Variants in AGMO observed in about 807,000 individuals in gnomAD.
AGMO encodes the protein alkylglycerol monooxygenase, also known as glyceryl-ether monooxygenase.
A neutral mutation model predicts 60.2 loss-of-function variants in AGMO; 75 were observed. The ratio of observed to expected loss-of-function variants is 1.25; its 90% CI spans 1.03 to 1.51. The LOEUF is 1.51. Ranked by LOEUF, AGMO falls within the 40% of genes most tolerant of loss-of-function variation. The pLI, the probability that AGMO is intolerant of heterozygous loss-of-function variation, is 0.00. For missense variants in AGMO, 763 were observed against 525.5 expected (o/e 1.45, Z -4.42); for synonymous variants, 261 against 177.1 (o/e 1.47, Z -3.76).
chr7:15,235,292 G>C lies in AGMO; in HGVS notation c.1264-33933C>G, dbSNP rs79726283. ...CCCCATTGGCGCTTTCCTTAATGAA[G>C]ACAAAGACCTTGTTTGTGTTTTTGT... is the stretch of plus-strand genomic sequence containing the variant. On this transcript the variant is annotated intron_variant, in intron 12 of 12. Coordinates refer to ENST00000342526, the MANE Select transcript of AGMO (RefSeq NM_001004320.2). Among the ~76,000 whole-genome samples, 458 of 152,140 alleles carry C rather than the reference G, an allele frequency of 3.0e-3. 3 individuals carry two copies. The highest frequency in any genetic ancestry group is 0.011 in the African/African-American group (437 of 41,544).
chr7:15,170,685 C>T, the AGMO span, among the ~76,000 whole-genome samples: 3 of 151,786 alleles, frequency 2.0e-5, no homozygotes, highest in East Asian at 5.8e-4. Flanking sequence ...ATTAATGAAC[C>T]AATACTGATA....
At chr7:15,451,164 G>A (rs936057925) in intron 3 of AGMO, among the ~76,000 whole-genome samples, 6 of 151,998 alleles carry the variant, frequency 3.9e-5, no homozygotes, top group African/African-American at 1.4e-4. Flanking sequence ...ATTAAGGGAA[G>A]CAAACAATTT....
chr7:15,189,431 T>C, the AGMO span, among the ~76,000 whole-genome samples: 3 of 152,278 alleles, frequency 2.0e-5, no homozygotes, highest in African/African-American at 7.2e-5. Context: ...AACTTTGTGC[T>C]ATCATAGCTG....
intron 12 of AGMO, among the ~76,000 whole-genome samples, chr7:15,202,974 C>T (rs1781342422): frequency 6.6e-6 from 1 of 152,066 alleles, no homozygotes; most frequent in Non-Finnish European, 1.5e-5. Context: ...TCTATAATAT[C>T]AGAGTAAATA....
At chr7:15,232,709 T>C (rs967283626) in intron 12 of AGMO, among the ~76,000 whole-genome samples, 2 of 151,596 alleles carry the variant, frequency 1.3e-5, no homozygotes, top group Non-Finnish European at 2.9e-5. Flanking sequence ...CCCAACAAAA[T>C]TGCCTCAATT....
chr7:15,557,323 G>A (rs1326477783), intron 2 of AGMO, among the ~76,000 whole-genome samples: 1 of 152,024 alleles, frequency 6.6e-6, no homozygotes, highest in African/African-American at 2.4e-5. Flanking sequence ...ACTACCATTT[G>A]TCTTGCAATC....
At chr7:15,256,997 T>C (rs1194799535) in intron 12 of AGMO, among the ~76,000 whole-genome samples, 2 of 152,216 alleles carry the variant, frequency 1.3e-5, no homozygotes, top group Admixed American at 1.3e-4. Context: ...AAGAGGTGCA[T>C]TTCTTTTATA....
intron 12 of AGMO, among the ~76,000 whole-genome samples, chr7:15,224,509 T>C (rs1451042006): frequency 1.3e-5 from 2 of 152,002 alleles, no homozygotes; most frequent in African/African-American, 4.8e-5. Context: ...AGAAACTGGA[T>C]GTGCTGGCAC....
In AGMO at chr7:15,439,360, G is replaced by A. The variant is rs536646515; in HGVS notation, c.410-8252C>T. Among the ~76,000 whole-genome samples, 25 of 152,274 alleles carry A rather than the reference G, an allele frequency of 1.6e-4. No individual in the cohort carries two copies. In the South Asian group the frequency reaches 5.0e-3, roughly 30 times the overall value. On this transcript the variant is annotated intron_variant, in intron 3 of 12. Transcript: ENST00000342526. Reference sequence around the variant, plus strand: ...TGCAGTGAGCTGAGATTACACCACTGCACTCCAGCCTGGTGACAGAGTGAG... The same window carrying A: ...TGCAGTGAGCTGAGATTACACCACTACACTCCAGCCTGGTGACAGAGTGAG...
In AGMO at chr7:15,359,291, C is replaced by CAAAAA. The variant is rs398003765; in HGVS notation, c.1263+6218_1263+6222dup. ...GCAACAGAGCAAGACTCCGTCTCAACAAAAAAAAAAAAAAAAGAAATTAGA... is the reference window on the plus strand; with the variant it reads ...GCAACAGAGCAAGACTCCGTCTCAACAAAAAAAAAAAAAAAAAAAAAGAAATTAGA... On this transcript the variant is annotated intron_variant, in intron 12 of 12. Coordinates refer to ENST00000342526, the MANE Select transcript of AGMO (RefSeq NM_001004320.2). Among the ~76,000 whole-genome samples, 43 of 115,110 alleles carry CAAAAA rather than the reference C, an allele frequency of 3.7e-4. No individual in the cohort carries two copies. The East Asian group carries it at 8.6e-3, about 23-fold the overall frequency. 75.5% of individuals were successfully genotyped at this position (115,110 alleles called of 152,430 possible).
chr7:15,291,335 A>G (rs1382102144), intron 12 of AGMO, among the ~76,000 whole-genome samples: 5 of 152,214 alleles, frequency 3.3e-5, no homozygotes. Context: ...GGGAAACGTT[A>G]CGATTCTATA....
rs527578619 is a variant in AGMO at position 15,219,764 on chromosome 7, G to C, written c.1264-18405C>G. ...AGTGGCCAGAGGGAAAGTAGTATTG[G>C]CTATGGGGATGGAGAGAAGAAGATG... On this transcript the variant is annotated intron_variant, in intron 12 of 12. Transcript: ENST00000342526. Among the ~76,000 whole-genome samples, 4 of 152,256 alleles carry C rather than the reference G, an allele frequency of 2.6e-5. No individual in the cohort carries two copies. The East Asian group carries it at 7.7e-4, about 29-fold the overall frequency.
intron 3 of AGMO, among the ~76,000 whole-genome samples, chr7:15,471,977 G>T (rs1293177438): frequency 6.6e-6 from 1 of 151,812 alleles, no homozygotes; most frequent in Non-Finnish European, 1.5e-5. Flanking sequence ...TGAAAACAAA[G>T]AATATTTTTA....
At chr7:15,515,476 G>A (rs1418889763) in intron 3 of AGMO, among the ~76,000 whole-genome samples, 1 of 152,206 alleles carries the variant, frequency 6.6e-6, no homozygotes, top group Non-Finnish European at 1.5e-5. Flanking sequence ...TAAATCCCTG[G>A]AATTAGAATG....
the AGMO span, among the ~76,000 whole-genome samples, chr7:15,194,191 T>C: frequency 6.6e-6 from 1 of 152,146 alleles, no homozygotes; most frequent in Non-Finnish European, 1.5e-5. Flanking sequence ...CTGTTAAAAA[T>C]TACTTCAGTT....
chr7:15,529,508 C>T (rs1296406567), intron 3 of AGMO, among the ~76,000 whole-genome samples: 3 of 117,558 alleles, frequency 2.6e-5, no homozygotes, highest in African/African-American at 9.7e-5. Flanking sequence ...AGTTCTTAGA[C>T]TAGAATCTGT....
the AGMO span, among the ~76,000 whole-genome samples, chr7:15,170,788 T>A: frequency 1.3e-5 from 2 of 152,190 alleles, no homozygotes; most frequent in Non-Finnish European, 1.5e-5. Flanking sequence ...TTCAGACAGA[T>A]ACATTCTATG....
the AGMO span, among the ~76,000 whole-genome samples, chr7:15,145,505 C>G: frequency 4.6e-5 from 7 of 151,738 alleles, no homozygotes; most frequent in Admixed American, 3.9e-4. Context: ...AAGTAAATAA[C>G]AGAATAGAAA....
rs890574436 is a variant in AGMO, at chr7:15,470,298, C to G, written c.410-39190G>C. ...TGCTGGAAACAAAAACTAGATGGAA[C>G]AGTTTTTAGGAGTAAATAACAAGAA... On this transcript the variant is annotated intron_variant, in intron 3 of 12. Transcript: ENST00000342526. 9.1e-4 allele frequency among the ~76,000 whole-genome samples: 138 copies of G among 152,092 alleles called. 2 individuals carry two copies. The highest frequency in any genetic ancestry group is 3.2e-3 in the African/African-American group (131 of 41,540).
Sources: gnomAD v4.1 joint callset for allele counts (sites outside exome capture counted in the v4.1 genomes callset) on GRCh38, gnomAD v4.1.1 for gene constraint, MANE v1.5 for transcripts, NCBI Gene and HGNC (gene_info 2026-07-23, HGNC 2026-07-21) for gene names.